The following MYH10 variants were observed in gnomAD, a reference collection of about 807,000 sequenced individuals.
MYH10 encodes the protein myosin-10.
Under a neutral mutation model 257.8 loss-of-function variants are expected in MYH10, and 55 were observed. That is an observed-to-expected ratio of 0.21 (90% CI 0.17 to 0.27). MYH10 has a LOEUF of 0.27. MYH10 is among the 10% of genes least tolerant of loss of function. The pLI is 1.00. For synonymous variants in MYH10, 854 were observed against 921.7 expected, an observed-to-expected ratio of 0.93 and a Z score of 1.33; for missense variants, 1,631 against 2,500.6, an observed-to-expected ratio of 0.65 and a Z score of 7.42.
In MYH10 at chr17:8,479,963, C is replaced by T; in HGVS notation, c.5597+147G>A. 8.3e-6 allele frequency: 6 copies of T among 722,774 alleles called. No individual in the cohort carries two copies. In the East Asian group the frequency reaches 1.6e-4, roughly 19 times the overall value. 44.8% of individuals were successfully genotyped at this position (722,774 alleles called of 1,614,324 possible). On this transcript the variant is annotated intron_variant, in intron 40 of 42. Transcript: ENST00000360416. The stretch of plus-strand genomic sequence containing the variant: ...CTGAATGCTCACAGCTCTTCTCTCA[C>T]AGCTCACACCAACTTCTGTGTCCCA...
intron 37 of MYH10, among the ~76,000 whole-genome samples, chr17:8,483,547 T>C (rs1914229256): frequency 6.6e-6 from 1 of 152,258 alleles, no homozygotes; most frequent in South Asian, 2.1e-4. Context: ...TAACTGATAA[T>C]AACATTTAAC....
chr17:8,527,345 G>T (rs2081877527), intron 17 of MYH10, among the ~76,000 whole-genome samples: 1 of 152,212 alleles, frequency 6.6e-6, no homozygotes, highest in African/African-American at 2.4e-5. Flanking sequence ...AGCCAAACTT[G>T]AATGTCTCCC....
intron 2 of MYH10, among the ~76,000 whole-genome samples, chr17:8,610,268 T>A (rs1597970148): frequency 9.5e-5 from 1 of 10,526 alleles, no homozygotes; most frequent in African/African-American, 2.3e-3. Context: ...CACCATAGGA[T>A]TGCAAAAAAA....
Position 8,535,357 on chromosome 17 carries a change from G to A in MYH10, c.1894+30C>T. 4 of 1,517,968 alleles carry A rather than the reference G, an allele frequency of 2.6e-6. No individual in the cohort carries two copies. The highest frequency in any genetic ancestry group is 1.8e-6 in the Non-Finnish European group (2 of 1,096,184). The allele number at this position is 1,517,968 out of a possible 1,614,324, so 94.0% of individuals were successfully genotyped here. On this transcript the variant is annotated intron_variant, in intron 16 of 42. Coordinates refer to ENST00000360416, the MANE Select transcript of MYH10 (RefSeq NM_001256012.3). This position sits in a 1 kb window ranked among gnomAD's most constrained non-coding sequence, Gnocchi z 4.3. Reference sequence around the variant, plus strand: ...CTTAATTATAAAAGATTCCAGCCAAGCATGATTACAAAGATAAGCACTTTC... The same window carrying A: ...CTTAATTATAAAAGATTCCAGCCAAACATGATTACAAAGATAAGCACTTTC...
In MYH10 at chr17:8,475,305, T is replaced by C. The variant is rs1912356028; in HGVS notation, c.*499A>G. The C allele has an allele frequency of 1.3e-5, 2 of 153,448 alleles. No individual in the cohort carries two copies. The highest frequency in any genetic ancestry group is 2.9e-5 in the Non-Finnish European group (2 of 68,920). The allele number at this position is 153,448 out of a possible 1,614,324, so 9.5% of individuals were successfully genotyped here. A position where few individuals can be genotyped will look rare whatever the true frequency, so the allele number is the denominator to read the frequency against. On this transcript the variant is annotated 3_prime_UTR_variant, in exon 43 of 43. Coordinates refer to ENST00000360416, the MANE Select transcript of MYH10 (RefSeq NM_001256012.3). ...CTCACTGAAATAGCATTGATCATTA[T>C]TTGAAGGAAATGAGAGAGACAAGTG...
At chr17:8,586,243 T>C in intron 4 of MYH10, among the ~76,000 whole-genome samples, 1 of 152,238 alleles carries the variant, frequency 6.6e-6, no homozygotes. Context: ...CTTTTATTTC[T>C]ATAATTCCAT....
chr17:8,493,811 GTTC>G lies in MYH10; in HGVS notation c.4128_4130del (p.Lys1376del). 4 of 1,613,598 alleles carry G rather than the reference GTTC, an allele frequency of 2.5e-6. No homozygotes were observed. The highest frequency in any genetic ancestry group is 1.7e-5 in the Admixed American group (1 of 59,996). ...CCTCCTCCTGCTGCTCCTGAAGACT[GTTC>G]TTCTCCTCTTCCAGCTGCCGGATCC... On this transcript the variant is annotated inframe_deletion, in exon 32 of 43. Coordinates refer to ENST00000360416, the MANE Select transcript of MYH10 (RefSeq NM_001256012.3).
Position 8,551,018 on chromosome 17 carries a change from T to C in MYH10, c.919+1028A>G, listed in dbSNP as rs7502728. ...ACAAACACTGCGGAAGGCCGCAGGG[T>C]CCTCTGCCTAGGAAAACCGGAGACC... On this transcript the variant is annotated intron_variant, in intron 9 of 42. Coordinates refer to ENST00000360416, the MANE Select transcript of MYH10 (RefSeq NM_001256012.3). 1.8e-3 allele frequency among the ~76,000 whole-genome samples: 273 copies of C among 151,022 alleles called. 1 individual carries two copies. Among genetic ancestry groups the C allele is most frequent in the African/African-American group, 6.3e-3 (261 of 41,316 alleles).
At chr17:8,534,785 T>C (rs1332448014) in intron 16 of MYH10, among the ~76,000 whole-genome samples, 2 of 152,266 alleles carry the variant, frequency 1.3e-5, no homozygotes, top group Non-Finnish European at 2.9e-5. Flanking sequence ...GAGAAGATAC[T>C]GGTTCCTAAA....
intron 17 of MYH10, among the ~76,000 whole-genome samples, chr17:8,526,893 G>A (rs908211111): frequency 3.0e-4 from 45 of 152,140 alleles, no homozygotes; most frequent in African/African-American, 1.0e-3. Context: ...CAAAAAAGGG[G>A]GAAGAAACCT....
intron 2 of MYH10, among the ~76,000 whole-genome samples, chr17:8,618,063 A>C (rs556570721): frequency 6.0e-4 from 92 of 152,196 alleles, no homozygotes; most frequent in Middle Eastern, 3.4e-3. Flanking sequence ...AAACAACTCA[A>C]TTTTCATGTC....
chr17:8,628,982 A>G lies in MYH10; in HGVS notation c.-32+1672T>C, dbSNP rs576205397. 9.7e-4 allele frequency among the ~76,000 whole-genome samples: 148 copies of G among 152,284 alleles called. 1 individual carries two copies. Among genetic ancestry groups the G allele is most frequent in the Middle Eastern group, 3.4e-3 (1 of 294 alleles). On this transcript the variant is annotated intron_variant, in intron 1 of 42. Coordinates refer to ENST00000360416, the MANE Select transcript of MYH10 (RefSeq NM_001256012.3). ...CAATTACACCATATGCTTTCTCCAG[A>G]TAAGGACGGGGAAGAACTGAATTTA...
intron 38 of MYH10, among the ~76,000 whole-genome samples, chr17:8,481,060 G>A (rs543403011): frequency 3.1e-3 from 166 of 53,142 alleles, no homozygotes; most frequent in Non-Finnish European, 5.7e-3. Flanking sequence ...GCCCGTTGGC[G>A]CACCCCACGG....
Position 8,590,905 on chromosome 17 carries a change from C to T in MYH10, c.503-1797G>A, listed in dbSNP as rs567652572. Among the ~76,000 whole-genome samples the T allele has an allele frequency of 5.7e-3, 538 of 94,022 alleles. 2 individuals are homozygous for T. Among genetic ancestry groups the T allele is most frequent in the South Asian group, 0.013 (32 of 2,558 alleles). The allele number at this position is 94,022 out of a possible 152,430, so 61.7% of individuals were successfully genotyped here. A position where few individuals can be genotyped will look rare whatever the true frequency, so the allele number is the denominator to read the frequency against. ...TTTTTTTTTTTGAGATGGAGTCTTG[C>T]TCTATTGCCCAGGCTGGAGTGCAGT... is the stretch of plus-strand genomic sequence containing the variant. On this transcript the variant is annotated intron_variant, in intron 3 of 42. Coordinates refer to ENST00000360416, the MANE Select transcript of MYH10 (RefSeq NM_001256012.3).
chr17:8,500,996 G>C lies in MYH10; in HGVS notation c.3600-26C>G, dbSNP rs373592673. On this transcript the variant is annotated intron_variant, in intron 28 of 42. Transcript: ENST00000360416. Reference sequence around the variant, plus strand: ...CTAGAGAAGGACATTTTTTAAGAGAGATCAGAATTAGCTGACTGATTAAAA... The same window carrying C: ...CTAGAGAAGGACATTTTTTAAGAGACATCAGAATTAGCTGACTGATTAAAA... The C allele has an allele frequency of 1.9e-5, 30 of 1,602,212 alleles. No individual in the cohort carries two copies. In the African/African-American group the frequency reaches 3.5e-4, roughly 19 times the overall value.
chr17:8,512,485 T>C lies in MYH10; in HGVS notation c.2918A>G (p.Gln973Arg). The change falls in exon 24 of 43, where the codon CAA becomes CGA. Residue 973 changes from glutamine (Q) to arginine (R), a missense_variant. By Grantham distance (43) the Gln-to-Arg change is conservative. This residue lies in a region of MYH10 where 169 missense variants were observed against 249.8 expected (regional missense o/e 0.68). Transcript: ENST00000360416. ...EEEEERNQIL[Q>R]NEKKKMQAHI... Reference sequence around the variant, plus strand: ...TGCTTGCATTTTTTTCTTTTCATTTTGGAGGATTTGGTTTCTTTCTTCTTC... The same window carrying C: ...TGCTTGCATTTTTTTCTTTTCATTTCGGAGGATTTGGTTTCTTTCTTCTTC... 1 of 1,613,474 alleles carries C rather than the reference T, an allele frequency of 6.2e-7. No homozygotes were observed. The highest frequency in any genetic ancestry group is 8.5e-7 in the Non-Finnish European group (1 of 1,179,838).
intron 35 of MYH10, among the ~76,000 whole-genome samples, chr17:8,487,849 C>T (rs1420654525): frequency 1.3e-5 from 2 of 152,152 alleles, no homozygotes; most frequent in Non-Finnish European, 2.9e-5. Context: ...GAGAAGGCAG[C>T]CAGTGACCTG....
At chr17:8,530,206 C>T (rs1046516751) in intron 17 of MYH10, among the ~76,000 whole-genome samples, 1 of 152,128 alleles carries the variant, frequency 6.6e-6, no homozygotes, top group South Asian at 2.1e-4. Context: ...CTTGGAATTC[C>T]TCAGAGTTGA....
At chr17:8,614,500 G>T (rs1010665060) in intron 2 of MYH10, among the ~76,000 whole-genome samples, 1 of 151,712 alleles carries the variant, frequency 6.6e-6, no homozygotes, top group Non-Finnish European at 1.5e-5. Flanking sequence ...TGTATTTTTA[G>T]TAGAGACAGG....
Sources: allele counts gnomAD v4.1 joint callset (sites outside exome capture counted in the v4.1 genomes callset), GRCh38; gene constraint gnomAD v4.1.1; regional missense constraint gnomAD v4.1.1; non-coding constraint Gnocchi (gnomAD v3.1); transcripts MANE v1.5; gene names NCBI Gene and HGNC (gene_info 2026-07-23, HGNC 2026-07-21).